LRRC4: variants seen among roughly 807,000 people sequenced by gnomAD.
LRRC4 encodes the protein leucine rich repeat containing 4.
In LRRC4, 11 loss-of-function variants were observed where a neutral mutation model predicts 37.9. That is an observed-to-expected ratio of 0.29 (90% CI 0.18 to 0.48). The LOEUF is 0.48. Among genes scored for constraint, LRRC4 ranks in the 20% least tolerant of loss-of-function variants. The pLI, the probability that LRRC4 is intolerant of heterozygous loss-of-function variation, is 0.99. For missense variants in LRRC4, 717 were observed against 842.1 expected, an observed-to-expected ratio of 0.85 and a Z score of 1.84; for synonymous variants, 404 against 346.7, an observed-to-expected ratio of 1.17 and a Z score of -1.84.
In LRRC4 at chr7:128,029,997, G is replaced by C. The variant is rs777831867; in HGVS notation, c.644C>G (p.Thr215Ser). ...MCNIKDMPNLTPLVGLEELEM... is the reference protein window; with the variant it reads ...MCNIKDMPNLSPLVGLEELEM... ...CAGCTCCTCCAGCCCCACCAGGGGG[G>C]TGAGATTGGGCATGTCTTTAATGTT... Residue 215 changes from threonine (T) to serine (S), a missense_variant, in exon 2 of 2, where the codon ACC (threonine) becomes AGC (serine). By Grantham distance (58) the Thr-to-Ser change is moderately conservative. This residue lies in a region of LRRC4 where 138 missense variants were observed against 261.0 expected (regional missense o/e 0.53). Coordinates refer to ENST00000249363, the MANE Select transcript of LRRC4 (RefSeq NM_022143.5). The surrounding 1 kb of genome is among the most constrained non-coding windows in gnomAD (Gnocchi z 4.2). The C allele has an allele frequency of 1.2e-6, 2 of 1,613,176 alleles. No homozygotes were observed. The highest frequency in any genetic ancestry group is 2.2e-5 in the East Asian group (1 of 44,878).
rs1803527921 is a variant in LRRC4, at chr7:128,027,976, TTC to T, written c.*701_*702del. On this transcript the variant is annotated 3_prime_UTR_variant, in exon 2 of 2. Transcript: ENST00000249363. ...TCCTTCTCTGCTCCTTTCTAAGCAA[TTC>T]TGTCAGGCAAGGCACATGTGTGTCC... The T allele has an allele frequency of 6.6e-6, 1 of 152,442 alleles. No individual in the cohort carries two copies. The highest frequency in any genetic ancestry group is 2.4e-5 in the African/African-American group (1 of 41,314). 9.4% of individuals were successfully genotyped at this position (152,442 alleles called of 1,614,324 possible). A position where few individuals can be genotyped will look rare whatever the true frequency, so the allele number is the denominator to read the frequency against.
Position 128,029,508 on chromosome 7 carries a change from G to T in LRRC4, c.1133C>A (p.Pro378His). 1 of 1,614,112 alleles carries T rather than the reference G, an allele frequency of 6.2e-7. No homozygotes were observed. The change falls in exon 2 of 2, where the codon CCT (proline) becomes CAT (histidine). Residue 378 changes from proline to histidine, a missense_variant. By Grantham distance (77) the Pro-to-His change is moderately conservative. This residue lies in a region of LRRC4 where 293 missense variants were observed against 268.3 expected (regional missense o/e 1.09). Transcript: ENST00000249363. This position sits in a 1 kb window ranked among gnomAD's most constrained non-coding sequence, Gnocchi z 4.2. ...CAGCAACCACTTCACGGAGGACATA[G>T]GGGGAGTCCGACACTTAAGTTCTGC... ...RMAELKCRTP[P>H]MSSVKWLLPN...
chr7:128,029,942 G>A lies in LRRC4; in HGVS notation c.699C>T (p.Ile233=), dbSNP rs750383119. 1.2e-6 allele frequency: 2 copies of A among 1,613,188 alleles called. No individual in the cohort carries two copies. The highest frequency in any genetic ancestry group is 1.1e-5 in the South Asian group (1 of 91,080). The part of the protein sequence containing the change: ...LEMSGNHFPE[I]RPGSFHGLSS... ...TCAGGCCATGGAAGGAGCCAGGCCT[G>A]ATCTCAGGGAAGTGGTTCCCTGACA... The change falls in exon 2 of 2, where the codon ATC becomes ATT. Residue 233 remains isoleucine (I), a synonymous_variant. Transcript: ENST00000249363. The surrounding 1 kb of genome is among the most constrained non-coding windows in gnomAD (Gnocchi z 4.2).
rs912829147 is a variant in LRRC4, at chr7:128,031,185, C to A, written c.-373G>T. 8 of 152,292 alleles carry A rather than the reference C, an allele frequency of 5.3e-5. No homozygotes were observed. The highest frequency in any genetic ancestry group is 1.2e-4 in the Non-Finnish European group (8 of 68,144). The allele number at this position is 152,292 out of a possible 1,614,324, so 9.4% of individuals were successfully genotyped here. A position where few individuals can be genotyped will look rare whatever the true frequency, so the allele number is the denominator to read the frequency against. On this transcript the variant is annotated 5_prime_UTR_variant, in exon 1 of 2. Transcript: ENST00000249363. ...CCCGGCGGGCTATGCAGGTGCATGC[C>A]CCCCCCTCCGCCCAAGGAGCGGCGC...
At position 128,030,307 on chromosome 7, in the gene LRRC4, G is replaced by A; in HGVS notation, c.334C>T (p.Arg112Trp). ...EVLQLGRNSI[R>W]QIEVGAFNGL... ...TTGAAGGCCCCCACCTCAATCTGCC[G>A]GATGGAGTTCCTGCCCAACTGCAGG... The change falls in exon 2 of 2, where the codon CGG becomes TGG. Residue 112 changes from arginine (R) to tryptophan (W), a missense_variant. Physicochemically the swap from Arg to Trp is moderately radical, Grantham distance 101. Coordinates refer to ENST00000249363, the MANE Select transcript of LRRC4 (RefSeq NM_022143.5). 6.2e-7 allele frequency: 1 copy of A among 1,614,122 alleles called. No homozygotes were observed. The highest frequency in any genetic ancestry group is 8.5e-7 in the Non-Finnish European group (1 of 1,180,032).
In LRRC4 at chr7:128,029,192, G is replaced by A. The variant is rs752616161; in HGVS notation, c.1449C>T (p.Tyr483=). 1 of 1,614,036 alleles carries A rather than the reference G, an allele frequency of 6.2e-7. No individual in the cohort carries two copies. The highest frequency in any genetic ancestry group is 1.3e-5 in the African/African-American group (1 of 74,912). Residue 483 remains tyrosine (Y), a synonymous_variant, in exon 2 of 2, where the codon TAC becomes TAT. Transcript: ENST00000249363. This position sits in a 1 kb window ranked among gnomAD's most constrained non-coding sequence, Gnocchi z 4.2. ...TGGTAGAGGTGGTATATGCCGGCTGGTAACCAGTGGACGTGGTAGGAACAG... is the reference window on the plus strand; with the variant it reads ...TGGTAGAGGTGGTATATGCCGGCTGATAACCAGTGGACGTGGTAGGAACAG... ...YKPVPTTSTG[Y]QPAYTTSTTV...
rs1203635362 is a variant in LRRC4 at position 128,028,201 on chromosome 7, AATAAG to A, written c.*473_*477del. The A allele has an allele frequency of 6.6e-6, 1 of 152,160 alleles. No homozygotes were observed. The highest frequency in any genetic ancestry group is 1.5e-5 in the Non-Finnish European group (1 of 68,168). 9.4% of individuals were successfully genotyped at this position (152,160 alleles called of 1,614,324 possible). A position where few individuals can be genotyped will look rare whatever the true frequency, so the allele number is the denominator to read the frequency against. On this transcript the variant is annotated 3_prime_UTR_variant, in exon 2 of 2. Transcript: ENST00000249363. Reference sequence around the variant, plus strand: ...GTGCTTTTTTTTTGTATTTTTTTTTAATAAGATAATTCTGCAAAGACAGCTCTCGG... The same window carrying A: ...GTGCTTTTTTTTTGTATTTTTTTTTAATAATTCTGCAAAGACAGCTCTCGG...
At position 128,029,582 on chromosome 7, in the gene LRRC4, G is replaced by A. The variant is rs1792516810; in HGVS notation, c.1059C>T (p.Pro353=). Residue 353 remains proline, a synonymous_variant, in exon 2 of 2, where the codon CCC becomes CCT. Coordinates refer to ENST00000249363, the MANE Select transcript of LRRC4 (RefSeq NM_022143.5). This position sits in a 1 kb window ranked among gnomAD's most constrained non-coding sequence, Gnocchi z 4.2. ...VDQASFQCSA[P]FIMDAPRDLN... ...GGTCTCGAGGTGCGTCCATGATGAA[G>A]GGGGCAGAGCACTGGAAGGAGGCCT... 6.2e-7 allele frequency: 1 copy of A among 1,613,962 alleles called. No individual in the cohort carries two copies.
In LRRC4 at chr7:128,030,736, T is replaced by A. The variant is rs112291805; in HGVS notation, c.-96A>T. The A allele has an allele frequency of 3.2e-3, 4,573 of 1,431,848 alleles. 20 individuals are homozygous for A. Among genetic ancestry groups the A allele is most frequent in the Non-Finnish European group, 3.1e-3 (3,307 of 1,066,282 alleles). The allele number at this position is 1,431,848 out of a possible 1,614,324, so 88.7% of individuals were successfully genotyped here. On this transcript the variant is annotated 5_prime_UTR_variant, in exon 2 of 2. Transcript: ENST00000249363. ...CTTAAGTGAGCTAGGAGCTCCTCTT[T>A]CCATCTGGAGAAGGAGGTGGGGAGG...
At chr7:128,031,451 G>C (rs1200600625), upstream of LRRC4, 1 of 151,828 alleles carries the variant, frequency 6.6e-6, no homozygotes, top group Admixed American at 6.6e-5. Flanking sequence ...AGCTCGCGGA[G>C]CGGCGAGAGT....
At position 128,030,452 on chromosome 7, in the gene LRRC4, G is replaced by A. The variant is rs1320855677; in HGVS notation, c.189C>T (p.Arg63=). The A allele has an allele frequency of 1.9e-6, 3 of 1,613,604 alleles. No individual in the cohort carries two copies. Among genetic ancestry groups the A allele is most frequent in the African/African-American group, 2.7e-5 (2 of 74,944 alleles). ...SNQFSKVVCT[R]RGLSEVPQGI... is the part of the protein sequence containing the mutation. ...CCTGCGGGACCTCGGAGAGGCCCCG[G>A]CGCGTGCACACCACCTTGCTGAACT... The change falls in exon 2 of 2, where the codon CGC becomes CGT. Residue 63 remains arginine, a synonymous_variant. Coordinates refer to ENST00000249363, the MANE Select transcript of LRRC4 (RefSeq NM_022143.5).
At position 128,027,765 on chromosome 7, in the gene LRRC4, G is replaced by C. The variant is rs899822169; in HGVS notation, c.*914C>G. ...GGACATGGCACAATGCTAATTTATG[G>C]CCTCCTGTGAATACATTCTCTCTGC... On this transcript the variant is annotated 3_prime_UTR_variant, in exon 2 of 2. Coordinates refer to ENST00000249363, the MANE Select transcript of LRRC4 (RefSeq NM_022143.5). The C allele has an allele frequency of 6.6e-6, 1 of 152,146 alleles. No individual in the cohort carries two copies. Among genetic ancestry groups the C allele is most frequent in the African/African-American group, 2.4e-5 (1 of 41,438 alleles). The allele number at this position is 152,146 out of a possible 1,614,324, so 9.4% of individuals were successfully genotyped here.
Position 128,029,101 on chromosome 7 carries a change from T to C in LRRC4, c.1540A>G (p.Lys514Glu). 1 of 1,614,170 alleles carries C rather than the reference T, an allele frequency of 6.2e-7. No individual in the cohort carries two copies. Among genetic ancestry groups the C allele is most frequent in the Non-Finnish European group, 8.5e-7 (1 of 1,180,026 alleles). Residue 514 changes from lysine (K) to glutamate (E), a missense_variant, in exon 2 of 2, where the codon AAG becomes GAG. Around this residue, in one of 5 missense-constraint regions of LRRC4, gnomAD observed 293 missense variants for 268.3 expected, o/e 1.09. Transcript: ENST00000249363. The surrounding 1 kb of genome is among the most constrained non-coding windows in gnomAD (Gnocchi z 4.2). ...VAVPATDTTD[K>E]MQTSLDEVMK... is the part of the protein sequence containing the mutation. ...ACTTCATCCAGGCTGGTCTGCATCTTGTCAGTGGTGTCTGTCGCGGGTACT... is the reference window on the plus strand; with the variant it reads ...ACTTCATCCAGGCTGGTCTGCATCTCGTCAGTGGTGTCTGTCGCGGGTACT...
chr7:128,030,245 G>A lies in LRRC4; in HGVS notation c.396C>T (p.Asp132=). 6.2e-7 allele frequency: 1 copy of A among 1,614,232 alleles called. No homozygotes were observed. Among genetic ancestry groups the A allele is most frequent in the Non-Finnish European group, 8.5e-7 (1 of 1,180,038 alleles). The part of the protein sequence containing the change: ...LASLNTLELF[D]NWLTVIPSGA... ...CGCTAGGGATGACTGTCAGCCAGTT[G>A]TCGAACAGCTCCAGGGTGTTGAGGC... The change falls in exon 2 of 2, where the codon GAC becomes GAT. Residue 132 remains aspartate, a synonymous_variant. Transcript: ENST00000249363.
Position 128,028,788 on chromosome 7 carries a change from C to T in LRRC4, c.1853G>A (p.Trp618Ter). 6.2e-7 allele frequency: 1 copy of T among 1,614,014 alleles called. No homozygotes were observed. Among genetic ancestry groups the T allele is most frequent in the Non-Finnish European group, 8.5e-7 (1 of 1,180,014 alleles). ...NTYKPAHGAH[W>*]TENSLGNSLH... ...AGAGTTCCCCAGGCTGTTTTCTGTC[C>T]AGTGGGCCCCATGTGCTGGTTTGTA... Residue 618 changes from tryptophan to a stop codon, truncating the protein, a stop_gained, in exon 2 of 2, where the codon TGG becomes TAG. Coordinates refer to ENST00000249363, the MANE Select transcript of LRRC4 (RefSeq NM_022143.5). LOFTEE classifies it high-confidence loss of function.
Position 128,029,259 on chromosome 7 carries a change from G to A in LRRC4, c.1382C>T (p.Thr461Ile). 6.2e-7 allele frequency: 1 copy of A among 1,614,176 alleles called. No individual in the cohort carries two copies. The highest frequency in any genetic ancestry group is 1.1e-5 in the South Asian group (1 of 91,086). ...YSFFTTVTVE[T>I]TEISPEDTTR... is the part of the protein sequence containing the mutation. ...TGTGTCCTCAGGCGAGATCTCCGTG[G>A]TCTCCACTGTTACTGTGGTGAAGAA... Residue 461 changes from threonine (T) to isoleucine (I), a missense_variant, in exon 2 of 2, where the codon ACC becomes ATC. Thr to Ile is a moderately conservative substitution (Grantham distance 89). This residue lies in a region of LRRC4 where 293 missense variants were observed against 268.3 expected (regional missense o/e 1.09). Transcript: ENST00000249363. This position sits in a 1 kb window ranked among gnomAD's most constrained non-coding sequence, Gnocchi z 4.2.
chr7:128,028,654 T>TTA lies in LRRC4; in HGVS notation c.*23_*24dup. On this transcript the variant is annotated 3_prime_UTR_variant, in exon 2 of 2. Transcript: ENST00000249363. ...GTCTTTGTGTGCATTCTATTGCATT[T>TTA]TATAAGTTTTTTGGGGGAGGGGAGT... is the stretch of plus-strand genomic sequence containing the variant. 1 of 1,590,710 alleles carries TTA rather than the reference T, an allele frequency of 6.3e-7. No individual in the cohort carries two copies. The highest frequency in any genetic ancestry group is 8.6e-7 in the Non-Finnish European group (1 of 1,167,984).
At position 128,030,265 on chromosome 7, in the gene LRRC4, T is replaced by G; in HGVS notation, c.376A>C (p.Asn126His). 1 of 1,614,034 alleles carries G rather than the reference T, an allele frequency of 6.2e-7. No individual in the cohort carries two copies. Among genetic ancestry groups the G allele is most frequent in the Non-Finnish European group, 8.5e-7 (1 of 1,180,018 alleles). Residue 126 changes from asparagine (N) to histidine (H), a missense_variant, in exon 2 of 2, where the codon AAC (asparagine) becomes CAC (histidine). Coordinates refer to ENST00000249363, the MANE Select transcript of LRRC4 (RefSeq NM_022143.5). ...CAGTTGTCGAACAGCTCCAGGGTGT[T>G]GAGGCTGGCCAGGCCGTTGAAGGCC... is the stretch of plus-strand genomic sequence containing the variant. Reference protein sequence around the residue: ...VGAFNGLASLNTLELFDNWLT... With the variant: ...VGAFNGLASLHTLELFDNWLT...
At chr7:128,030,850 G>T in intron 1 of LRRC4, 63 bp downstream of exon 1, 1 of 557,272 alleles carries the variant, frequency 1.8e-6, no homozygotes. Context: ...CTCAAGGCAA[G>T]CCCTCCGAAA....
Sources: gnomAD v4.1 joint callset for allele counts on GRCh38, gnomAD v4.1.1 for gene constraint, gnomAD v4.1.1 regional missense constraint, Gnocchi (gnomAD v3.1) non-coding constraint, MANE v1.5 for transcripts, NCBI Gene and HGNC (gene_info 2026-07-23, HGNC 2026-07-21) for gene names.